Variants in HKDC1 observed in about 807,000 individuals in gnomAD.
The protein encoded by HKDC1 is hexokinase domain containing 1.
In HKDC1, 66 loss-of-function variants were observed where a neutral mutation model predicts 96.6. That is an observed-to-expected ratio of 0.68 (90% CI 0.56 to 0.84). The LOEUF (loss-of-function observed/expected upper bound fraction) is 0.84. Among genes scored for constraint, HKDC1 ranks in the 40% least tolerant of loss-of-function variants. The pLI is 0.00. For synonymous variants in HKDC1, 466 were observed against 473.1 expected (o/e 0.98, Z 0.20); for missense variants, 1,211 against 1,208.1 (o/e 1.00, Z -0.04).
intron 9 of HKDC1, among the ~76,000 whole-genome samples, chr10:69,248,093 T>C (rs1751169345): frequency 6.6e-6 from 1 of 152,182 alleles, no homozygotes; most frequent in African/African-American, 2.4e-5. Context: ...GGGGTGGACT[T>C]GGAAGTCAAG....
At chr10:69,261,413 T>C in intron 16 of HKDC1, 119 bp downstream of exon 16, 1 of 900,668 alleles carries the variant, frequency 1.1e-6, no homozygotes, top group Non-Finnish European at 1.7e-6. Flanking sequence ...GGTAAGGGAT[T>C]GCCTCCTGGG....
At chr10:69,240,173 G>C (rs1843432001) in intron 5 of HKDC1, among the ~76,000 whole-genome samples, 2 of 152,080 alleles carry the variant, frequency 1.3e-5, no homozygotes, top group Admixed American at 1.3e-4. Flanking sequence ...TGAAACCTGG[G>C]TGTGATGTGT....
In HKDC1 at chr10:69,247,366, A is replaced by T; in HGVS notation, c.1038A>T (p.Lys346Asn). 6.2e-7 allele frequency: 1 copy of T among 1,613,248 alleles called. No homozygotes were observed. Among genetic ancestry groups the T allele is most frequent in the Non-Finnish European group, 8.5e-7 (1 of 1,179,226 alleles). Residue 346 changes from lysine (K) to asparagine (N), a missense_variant, in exon 9 of 18, where the codon AAA becomes AAT. Physicochemically the swap from Lys to Asn is moderately conservative, Grantham distance 94 (BLOSUM62 0). Transcript: ENST00000354624. Reference protein sequence around the residue: ...TRHVAAMEKYKEGLANTREIL... With the variant: ...TRHVAAMEKYNEGLANTREIL... ...ATTCCTGTCCCCTGGCCAGGTATAA[A>T]GAAGGCCTTGCTAATACAAGAGAGA...
chr10:69,227,515 C>T, intron 2 of HKDC1, 146 bp downstream of exon 2: 1 of 837,874 alleles, frequency 1.2e-6, no homozygotes, highest in South Asian at 1.8e-5. Context: ...CTGCTTCAGT[C>T]CTGCTGAATC....
intron 15 of HKDC1, 93 bp downstream of exon 15, chr10:69,259,052 G>C (rs1843766457): frequency 1.0e-6 from 1 of 955,032 alleles, no homozygotes; most frequent in Non-Finnish European, 1.5e-6. Flanking sequence ...AGCTTTGTGT[G>C]CTTATTACAG....
chr10:69,234,337 G>A (rs1267075433), intron 4 of HKDC1, among the ~76,000 whole-genome samples: 1 of 152,220 alleles, frequency 6.6e-6, no homozygotes, highest in Non-Finnish European at 1.5e-5. Flanking sequence ...TTTGAATCAT[G>A]GTTCAGGACA....
rs1843409164 is a variant in HKDC1, at chr10:69,239,030, ATCT to A, written c.496-8_496-6del. 54 of 1,605,570 alleles carry A rather than the reference ATCT, an allele frequency of 3.4e-5. No homozygotes were observed. The highest frequency in any genetic ancestry group is 4.5e-5 in the Non-Finnish European group (53 of 1,173,328). On this transcript the variant is annotated splice_polypyrimidine_tract_variant and intron_variant, in intron 4 of 17. Coordinates refer to ENST00000354624, the MANE Select transcript of HKDC1 (RefSeq NM_025130.4). ...GTCTTTCATTCAAACTGGACCTGAA[ATCT>A]TCTCCCAGGGTGTCCTACTTTCGTG...
chr10:69,265,558 C>T, intron 16 of HKDC1, 27 bp from the exon 17 acceptor site: 1 of 1,596,460 alleles, frequency 6.3e-7, no homozygotes, highest in African/African-American at 1.3e-5. Flanking sequence ...GGAAGCAGGT[C>T]CTGACTCCCT....
Position 69,262,096 on chromosome 10 carries a change from T to G in HKDC1, c.2372+802T>G, listed in dbSNP as rs777183067. Reference sequence around the variant, plus strand: ...ATTGATGCATATTGCCTGGATCTATTATTTCACTAGACATCGTAAATGGTG... The same window carrying G: ...ATTGATGCATATTGCCTGGATCTATGATTTCACTAGACATCGTAAATGGTG... On this transcript the variant is annotated intron_variant, in intron 16 of 17. Coordinates refer to ENST00000354624, the MANE Select transcript of HKDC1 (RefSeq NM_025130.4). 7 of 443,002 alleles carry G rather than the reference T, an allele frequency of 1.6e-5. 1 individual carries two copies. Among genetic ancestry groups the G allele is most frequent in the South Asian group, 9.7e-5 (6 of 61,656 alleles). The allele number at this position is 443,002 out of a possible 1,614,324, so 27.4% of individuals were successfully genotyped here.
chr10:69,240,583 CT>C, intron 5 of HKDC1, 68 bp from the exon 6 acceptor site: 1 of 1,313,996 alleles, frequency 7.6e-7, no homozygotes, highest in African/African-American at 1.4e-5. Context: ...CCTGCTGCCT[CT>C]GTGGGGAAGG....
intron 4 of HKDC1, 81 bp downstream of exon 4, chr10:69,233,214 G>A (rs5030972): frequency 0.43 from 675,540 of 1,562,720 alleles, 150,375 homozygotes; most frequent in East Asian, 0.79. Context: ...CTGCACGCAG[G>A]AGAGAACAGC....
rs5030973 is a variant in HKDC1 at position 69,239,153 on chromosome 10, C to T, written c.591+16C>T. ...AAGACACAAGGTGAGGAATTCACCTCGGTGTGGGAGGCTCTCCCAGCCCTA... is the reference window on the plus strand; with the variant it reads ...AAGACACAAGGTGAGGAATTCACCTTGGTGTGGGAGGCTCTCCCAGCCCTA... On this transcript the variant is annotated intron_variant, in intron 5 of 17. Coordinates refer to ENST00000354624, the MANE Select transcript of HKDC1 (RefSeq NM_025130.4). The T allele has an allele frequency of 0.13, 205,463 of 1,593,134 alleles. 14,647 individuals are homozygous for T. Among genetic ancestry groups the T allele is most frequent in the Middle Eastern group, 0.15 (910 of 5,994 alleles).
At chr10:69,225,517 T>G (rs780794432) in intron 1 of HKDC1, among the ~76,000 whole-genome samples, 1 of 152,184 alleles carries the variant, frequency 6.6e-6, no homozygotes, top group Non-Finnish European at 1.5e-5. Context: ...GGCTGTCTGA[T>G]GATTTTCTGG....
chr10:69,232,774 G>A lies in HKDC1; in HGVS notation c.237G>A (p.Glu79=), dbSNP rs140271381. 36 of 1,614,078 alleles carry A rather than the reference G, an allele frequency of 2.2e-5. No homozygotes were observed. The African/African-American group carries it at 4.3e-4, about 19-fold the overall frequency. ...RAIPDGSENG[E]FLSLDLGGSK... ...TTTGTTTCTTAATAGAAAATGGGGA[G>A]TTCCTTTCCCTGGATCTCGGAGGGT... The change falls in exon 3 of 18, where the codon GAG becomes GAA. Residue 79 remains glutamate (E), a synonymous_variant. Coordinates refer to ENST00000354624, the MANE Select transcript of HKDC1 (RefSeq NM_025130.4).
At chr10:69,247,311 AC>A (rs1564732143) in intron 8 of HKDC1, 48 bp from the exon 9 acceptor site, 2 of 1,241,048 alleles carry the variant, frequency 1.6e-6, no homozygotes, top group South Asian at 2.4e-5. Flanking sequence ...CCAGGAGGAT[AC>A]CAGTGGGATG....
In HKDC1 at chr10:69,233,095, A is replaced by T. The variant is rs754703913; in HGVS notation, c.457A>T (p.Thr153Ser). The T allele has an allele frequency of 4.3e-6, 7 of 1,613,972 alleles. No homozygotes were observed. The African/African-American group carries it at 8.0e-5, about 18-fold the overall frequency. The part of the protein sequence containing the change: ...LKHKKLPLGL[T>S]FSFPCRQTKL... ...GCATAAGAAATTGCCCCTTGGCCTA[A>T]CTTTTTCTTTCCCCTGTCGACAGAC... Residue 153 changes from threonine to serine, a missense_variant, in exon 4 of 18, where the codon ACT becomes TCT. Thr to Ser is a moderately conservative substitution (Grantham distance 58). Coordinates refer to ENST00000354624, the MANE Select transcript of HKDC1 (RefSeq NM_025130.4).
chr10:69,261,142 C>A lies in HKDC1; in HGVS notation c.2220C>A (p.Tyr740Ter). The change falls in exon 16 of 18, where the codon TAC (tyrosine) becomes TAA (stop). Residue 740 changes from tyrosine to a stop codon, truncating the protein, a stop_gained. Coordinates refer to ENST00000354624, the MANE Select transcript of HKDC1 (RefSeq NM_025130.4). LOFTEE classifies it high-confidence loss of function. ...CTTATCCTTCTTCTCCAAACAGATA[C>A]GAGAAAATGACCAGTGGGATGTACT... ...EGSLNPGKQR[Y>*]EKMTSGMYLG... 6.2e-7 allele frequency: 1 copy of A among 1,612,386 alleles called. No individual in the cohort carries two copies. Among genetic ancestry groups the A allele is most frequent in the Non-Finnish European group, 8.5e-7 (1 of 1,178,576 alleles).
rs1564726398 is a variant in HKDC1, at chr10:69,232,355, G to A, written c.227-409G>A. The A allele has an allele frequency of 3.1e-5, 6 of 192,548 alleles. No individual in the cohort carries two copies. In the South Asian group the frequency reaches 6.1e-4, roughly 20 times the overall value. The allele number at this position is 192,548 out of a possible 1,614,324, so 11.9% of individuals were successfully genotyped here. On this transcript the variant is annotated intron_variant, in intron 2 of 17. Transcript: ENST00000354624. ...CTGGCTGCTCCTCGCCGCACATCCT[G>A]TCTTCCCCCTCATACCTTTATCCGA...
At chr10:69,239,693 C>T (rs1053556318) in intron 5 of HKDC1, among the ~76,000 whole-genome samples, 3 of 152,222 alleles carry the variant, frequency 2.0e-5, no homozygotes, top group Non-Finnish European at 4.4e-5. Flanking sequence ...GCATAGCCTT[C>T]CAGCCTTTTT....
Sources: gnomAD v4.1 joint callset for allele counts (sites outside exome capture counted in the v4.1 genomes callset) on GRCh38, gnomAD v4.1.1 for gene constraint, MANE v1.5 for transcripts, NCBI Gene and HGNC (gene_info 2026-07-23, HGNC 2026-07-21) for gene names.